The following ACOXL variants were observed in gnomAD, a reference collection of about 807,000 sequenced individuals.
ACOXL encodes acyl-CoA oxidase like.
Under a neutral mutation model 71.9 loss-of-function variants are expected in ACOXL, and 70 were observed. The observed-to-expected ratio is 0.97, with a 90% confidence interval of 0.80 to 1.19. ACOXL has a LOEUF of 1.19. Ranked by LOEUF, ACOXL falls within the 50% of genes most tolerant of loss-of-function variation. The pLI is 0.00. For synonymous variants in ACOXL, 253 were observed against 281.6 expected, an observed-to-expected ratio of 0.90 and a Z score of 1.02; for missense variants, 703 against 736.3, an observed-to-expected ratio of 0.95 and a Z score of 0.52.
intron 9 of ACOXL, among the ~76,000 whole-genome samples, chr2:110,808,959 C>G (rs1217787094): frequency 6.6e-6 from 1 of 152,142 alleles, no homozygotes; most frequent in Non-Finnish European, 1.5e-5. Context: ...AGCAGACAAA[C>G]AGCAAATAGG....
intron 2 of ACOXL, among the ~76,000 whole-genome samples, chr2:110,768,710 T>A (rs1681466388): frequency 6.6e-6 from 1 of 152,162 alleles, no homozygotes; most frequent in African/African-American, 2.4e-5. Context: ...CCCACCCTCC[T>A]CTCTCAAGTA....
intron 17 of ACOXL, among the ~76,000 whole-genome samples, chr2:111,095,397 T>TC (rs2068750454): frequency 6.9e-6 from 1 of 145,190 alleles, no homozygotes; most frequent in Admixed American, 6.8e-5. Context: ...TTTTCTTTTT[T>TC]TTTTTTTTTT....
At chr2:111,097,840 C>G (rs991009024) in intron 17 of ACOXL, among the ~76,000 whole-genome samples, 1 of 152,194 alleles carries the variant, frequency 6.6e-6, no homozygotes, top group African/African-American at 2.4e-5. Flanking sequence ...GGGGGAAAGA[C>G]ACATCTTCCT....
intron 12 of ACOXL, among the ~76,000 whole-genome samples, chr2:110,947,136 T>G (rs935019575): frequency 6.6e-6 from 1 of 152,238 alleles, no homozygotes; most frequent in African/African-American, 2.4e-5. Flanking sequence ...AGCCGAACTC[T>G]GCTGGCTCTG....
chr2:110,815,822 T>C (rs1278871214), intron 9 of ACOXL, among the ~76,000 whole-genome samples: 1 of 152,150 alleles, frequency 6.6e-6, no homozygotes, highest in Non-Finnish European at 1.5e-5. Flanking sequence ...CTCAGCAAAC[T>C]CAGGGGTAAG....
At chr2:110,737,876 C>G (rs1677060710) in intron 1 of ACOXL, among the ~76,000 whole-genome samples, 2 of 152,162 alleles carry the variant, frequency 1.3e-5, no homozygotes, top group Non-Finnish European at 2.9e-5. Context: ...TCTTGGTTAC[C>G]CTTTGTAGAA....
intron 10 of ACOXL, among the ~76,000 whole-genome samples, chr2:110,902,879 G>T (rs2059295650): frequency 6.6e-6 from 1 of 152,188 alleles, no homozygotes; most frequent in South Asian, 2.1e-4. Flanking sequence ...CAGCTGCCAG[G>T]CACTTACAAG....
At chr2:110,803,985 CTTT>C (rs1177385627) in intron 8 of ACOXL, among the ~76,000 whole-genome samples, 3 of 132,222 alleles carry the variant, frequency 2.3e-5, no homozygotes, top group African/African-American at 2.8e-5. Context: ...ACTAGGATGT[CTTT>C]TTTTTTTTTT....
intron 16 of ACOXL, among the ~76,000 whole-genome samples, chr2:111,086,593 T>A (rs183669056): frequency 4.6e-4 from 70 of 152,278 alleles, no homozygotes; most frequent in South Asian, 8.3e-4. Context: ...TTGGGGGTTT[T>A]TAACATGAAG....
chr2:110,955,427 TCC>T (rs1297197497), intron 12 of ACOXL, among the ~76,000 whole-genome samples: 1 of 87,376 alleles, frequency 1.1e-5, no homozygotes, highest in Non-Finnish European at 2.5e-5. Flanking sequence ...CTAGTCCACC[TCC>T]CTCTCTCTCT....
intron 10 of ACOXL, 136 bp from the exon 11 acceptor site, chr2:110,908,653 C>T (rs2149239217): frequency 2.9e-6 from 2 of 697,258 alleles, no homozygotes; most frequent in Admixed American, 5.2e-5. Flanking sequence ...GCCCTAACCA[C>T]ATTTTAGGAA....
At chr2:111,101,174 T>C (rs1325790691) in intron 17 of ACOXL, 3 of 152,588 alleles carry the variant, frequency 2.0e-5, no homozygotes, top group Non-Finnish European at 4.4e-5. Context: ...TTACACTCGT[T>C]TACTATTTTA....
intron 9 of ACOXL, among the ~76,000 whole-genome samples, chr2:110,828,823 T>C (rs1015469336): frequency 6.6e-6 from 1 of 152,172 alleles, no homozygotes; most frequent in Non-Finnish European, 1.5e-5. Flanking sequence ...GCTATTTTTT[T>C]TTTTTGAGAT....
chr2:110,912,128 G>A (rs1453045702), intron 11 of ACOXL, among the ~76,000 whole-genome samples: 2 of 152,070 alleles, frequency 1.3e-5, no homozygotes, highest in African/African-American at 4.8e-5. Flanking sequence ...TAAAGAAGAT[G>A]TGAATATATG....
intron 9 of ACOXL, among the ~76,000 whole-genome samples, chr2:110,833,262 A>T (rs963138569): frequency 6.6e-6 from 1 of 152,252 alleles, no homozygotes; most frequent in African/African-American, 2.4e-5. Context: ...TAAACTATTG[A>T]TACACACTGC....
Position 110,763,986 on chromosome 2 carries a change from CAAT to C in ACOXL, c.-22-4381_-22-4379del, listed in dbSNP as rs545029472. 1.0e-3 allele frequency among the ~76,000 whole-genome samples: 159 copies of C among 152,298 alleles called. 1 individual carries two copies. Among genetic ancestry groups the C allele is most frequent in the African/African-American group, 3.6e-3 (149 of 41,564 alleles). On this transcript the variant is annotated intron_variant, in intron 1 of 17. Coordinates refer to ENST00000439055, the MANE Select transcript of ACOXL (RefSeq NM_001142807.4). ...ATTAGGGCTACACACATTAAAACAA[CAAT>C]GAGATATCACTACATGTCTGTTAGA...
intron 12 of ACOXL, among the ~76,000 whole-genome samples, chr2:110,972,429 T>C (rs2062236741): frequency 6.6e-6 from 1 of 152,122 alleles, no homozygotes; most frequent in Non-Finnish European, 1.5e-5. Flanking sequence ...CTACCTCAAG[T>C]GATGATCCAG....
intron 11 of ACOXL, among the ~76,000 whole-genome samples, chr2:110,914,871 G>T (rs1304551332): frequency 6.6e-6 from 1 of 152,124 alleles, no homozygotes; most frequent in South Asian, 2.1e-4. Context: ...TACATAGTAG[G>T]TGTTACATTG....
chr2:111,091,028 G>A (rs2068494119), intron 16 of ACOXL, among the ~76,000 whole-genome samples: 1 of 152,210 alleles, frequency 6.6e-6, no homozygotes, highest in African/African-American at 2.4e-5. Context: ...GAGGGAGGAA[G>A]ACAGCAGAGT....
Sources: allele counts gnomAD v4.1 joint callset (sites outside exome capture counted in the v4.1 genomes callset), GRCh38; gene constraint gnomAD v4.1.1; transcripts MANE v1.5; gene names NCBI Gene and HGNC (gene_info 2026-07-23, HGNC 2026-07-21).